The following MAN1A1 variants were observed in gnomAD, a reference collection of about 807,000 sequenced individuals.
MAN1A1 encodes mannosidase alpha class 1A member 1.
Under a neutral mutation model 70.8 loss-of-function variants are expected in MAN1A1, and 29 were observed. The ratio of observed to expected loss-of-function variants is 0.41; its 90% CI spans 0.31 to 0.56. The LOEUF (loss-of-function observed/expected upper bound fraction) is 0.56, where lower values mean the gene tolerates loss of function less well. MAN1A1 is among the 20% of genes least tolerant of loss of function. The probability of loss-of-function intolerance (pLI) is 0.29; values close to 1 mark genes in which losing one functional copy is unlikely to be tolerated. For synonymous variants in MAN1A1, 349 were observed against 330.1 expected (o/e 1.06, Z -0.62); for missense variants, 747 against 841.3 (o/e 0.89, Z 1.39).
chr6:119,330,700 C>G (rs1267572483), intron 2 of MAN1A1, among the ~76,000 whole-genome samples: 2 of 152,164 alleles, frequency 1.3e-5, no homozygotes, highest in African/African-American at 4.8e-5. Context: ...CTCTTCTCAG[C>G]ACTACTACTC....
chr6:119,348,389 G>C, intron 2 of MAN1A1, 74 bp downstream of exon 2: 1 of 1,393,164 alleles, frequency 7.2e-7, no homozygotes, highest in Non-Finnish European at 9.8e-7. Flanking sequence ...GCAGTCTTCA[G>C]AGTTTCAAAG....
At chr6:119,280,744 T>C (rs1216051905) in intron 5 of MAN1A1, among the ~76,000 whole-genome samples, 3 of 152,366 alleles carry the variant, frequency 2.0e-5, no homozygotes, top group African/African-American at 7.2e-5. Context: ...TAGAAATCCA[T>C]GTCAATATGA....
At chr6:119,319,182 T>G (rs567995746) in intron 2 of MAN1A1, among the ~76,000 whole-genome samples, 7 of 152,034 alleles carry the variant, frequency 4.6e-5, no homozygotes, top group Non-Finnish European at 8.8e-5. Context: ...AGCACTAACA[T>G]CTAATATGCC....
chr6:119,191,894 A>G (rs774955080), intron 9 of MAN1A1, among the ~76,000 whole-genome samples: 2 of 152,246 alleles, frequency 1.3e-5, no homozygotes, highest in Non-Finnish European at 2.9e-5. Flanking sequence ...AGTACAACTT[A>G]GCAGAAATAA....
At chr6:119,258,537 ATTT>A (rs1489407192) in intron 5 of MAN1A1, among the ~76,000 whole-genome samples, 1 of 152,120 alleles carries the variant, frequency 6.6e-6, no homozygotes, top group Non-Finnish European at 1.5e-5. Flanking sequence ...ATACTGTACC[ATTT>A]TATATAAGGT....
At chr6:119,251,136 C>T (rs1200742947) in intron 5 of MAN1A1, among the ~76,000 whole-genome samples, 1 of 152,196 alleles carries the variant, frequency 6.6e-6, no homozygotes, top group Non-Finnish European at 1.5e-5. Flanking sequence ...GAAGGTCCTC[C>T]TATTTAGCCT....
chr6:119,213,113 C>T (rs1459555380), intron 6 of MAN1A1, among the ~76,000 whole-genome samples: 1 of 152,182 alleles, frequency 6.6e-6, no homozygotes, highest in East Asian at 1.9e-4. Flanking sequence ...AAATTAAATG[C>T]ATCTACCCAA....
intron 2 of MAN1A1, among the ~76,000 whole-genome samples, chr6:119,333,897 A>G (rs1173025596): frequency 6.6e-6 from 1 of 152,196 alleles, no homozygotes; most frequent in Non-Finnish European, 1.5e-5. Flanking sequence ...AGGTGGGTGG[A>G]GAACTACAAC....
At position 119,193,881 on chromosome 6, in the gene MAN1A1, CT is replaced by C. The variant is rs775262272; in HGVS notation, c.1221del (p.Val408LeufsTer13). ...SSGQWGQHHV[S>X]VGGLGDSFYE... ...TAGAAGCTGTCTCCAAGTCCTCCAA[CT>C]GATACATGATCTGGAAAGAGAGGGA... On this transcript the variant is annotated frameshift_variant, in exon 9 of 13. Transcript: ENST00000368468. LOFTEE classifies it high-confidence loss of function. 6.2e-7 allele frequency: 1 copy of C among 1,603,282 alleles called. No homozygotes were observed. Among genetic ancestry groups the C allele is most frequent in the African/African-American group, 1.3e-5 (1 of 74,714 alleles).
intron 8 of MAN1A1, among the ~76,000 whole-genome samples, chr6:119,198,243 AGC>A (rs1773625821): frequency 6.6e-6 from 1 of 152,194 alleles, no homozygotes; most frequent in Non-Finnish European, 1.5e-5. Context: ...TACAAAAATT[AGC>A]TGGGTGTGGT....
chr6:119,229,126 T>C (rs1774601613), intron 6 of MAN1A1, among the ~76,000 whole-genome samples: 1 of 151,854 alleles, frequency 6.6e-6, no homozygotes, highest in Non-Finnish European at 1.5e-5. Flanking sequence ...AGAACTTTAT[T>C]ACTAGGGTAA....
At chr6:119,280,663 A>C (rs551766452) in intron 5 of MAN1A1, among the ~76,000 whole-genome samples, 1 of 152,360 alleles carries the variant, frequency 6.6e-6, no homozygotes, top group Non-Finnish European at 1.5e-5. Flanking sequence ...AAAGAAAAAT[A>C]ATTTGCAAGA....
chr6:119,348,537 C>A lies in MAN1A1; in HGVS notation c.529G>T (p.Val177Leu). 2 of 1,612,976 alleles carry A rather than the reference C, an allele frequency of 1.2e-6. No homozygotes were observed. Among genetic ancestry groups the A allele is most frequent in the Non-Finnish European group, 1.7e-6 (2 of 1,179,568 alleles). ...PFRGLPPVDFVPPIGVESREP... is the reference protein window; with the variant it reads ...PFRGLPPVDFLPPIGVESREP... ...CGGCTCTCCACCCCGATTGGGGGCA[C>A]GAAGTCCACCGGGGGCAGGCCTCTG... The change falls in exon 2 of 13, where the codon GTG becomes TTG. Residue 177 changes from valine to leucine, a missense_variant. This residue lies in a region of MAN1A1 where 328 missense variants were observed against 293.1 expected (regional missense o/e 1.12). Transcript: ENST00000368468.
At chr6:119,194,025 C>A in intron 8 of MAN1A1, 133 bp from the exon 9 acceptor site, 1 of 572,278 alleles carries the variant, frequency 1.7e-6, no homozygotes, top group Non-Finnish European at 3.1e-6. Context: ...TCCAACAAAT[C>A]TCTTATTTTC....
At chr6:119,239,406 C>T (rs962210853) in intron 6 of MAN1A1, among the ~76,000 whole-genome samples, 1 of 152,076 alleles carries the variant, frequency 6.6e-6, no homozygotes, top group Non-Finnish European at 1.5e-5. Context: ...ATTCTTCATC[C>T]CATTTTTCAG....
intron 6 of MAN1A1, among the ~76,000 whole-genome samples, chr6:119,230,844 A>G (rs1031355159): frequency 6.6e-6 from 1 of 152,212 alleles, no homozygotes; most frequent in Non-Finnish European, 1.5e-5. Flanking sequence ...CAACACAGTT[A>G]TGTATTAATG....
chr6:119,347,654 T>C (rs911210450), intron 2 of MAN1A1, among the ~76,000 whole-genome samples: 3 of 152,304 alleles, frequency 2.0e-5, no homozygotes, highest in African/African-American at 2.4e-5. Context: ...TCGATCTTCA[T>C]CTTGAAAATG....
At chr6:119,282,804 T>C (rs1048220060) in intron 5 of MAN1A1, among the ~76,000 whole-genome samples, 1 of 152,148 alleles carries the variant, frequency 6.6e-6, no homozygotes, top group Non-Finnish European at 1.5e-5. Flanking sequence ...CTGATAAATA[T>C]AATTAAAATT....
At chr6:119,272,269 T>A (rs796322274) in intron 5 of MAN1A1, among the ~76,000 whole-genome samples, 1 of 152,232 alleles carries the variant, frequency 6.6e-6, no homozygotes, top group African/African-American at 2.4e-5. Context: ...TCTGGTAGAC[T>A]GTGTCCTTCC....
Sources: gnomAD v4.1 joint callset for allele counts (sites outside exome capture counted in the v4.1 genomes callset) on GRCh38, gnomAD v4.1.1 for gene constraint, gnomAD v4.1.1 regional missense constraint, MANE v1.5 for transcripts, NCBI Gene and HGNC (gene_info 2026-07-23, HGNC 2026-07-21) for gene names.